Variants in ZNF469 observed in about 807,000 individuals in gnomAD.
ZNF469 encodes zinc finger protein 469.
In ZNF469, 1 loss-of-function variant was observed where a neutral mutation model predicts 1.0. That is an observed-to-expected ratio of 1.00 (90% CI 0.35 to 4.73). The LOEUF (loss-of-function observed/expected upper bound fraction) is 4.73, where lower values mean the gene tolerates loss of function less well. ZNF469 is among the 30% of genes most tolerant of loss of function. ZNF469 has a pLI of 0.16. For missense variants in ZNF469, 6,100 were observed against 5,356.3 expected (o/e 1.14, Z -4.33); for synonymous variants, 2,703 against 2,363.4 (o/e 1.14, Z -4.17).
the ZNF469 span, among the ~76,000 whole-genome samples, chr16:88,369,393 C>G: frequency 1.7e-4 from 26 of 152,338 alleles, no homozygotes; most frequent in South Asian, 5.0e-3. Context: ...TTGCCTGACT[C>G]ACAGGATGGA....
chr16:88,310,563 ATTT>A, the ZNF469 span, among the ~76,000 whole-genome samples: 17 of 143,588 alleles, frequency 1.2e-4, no homozygotes, highest in African/African-American at 3.6e-4. Flanking sequence ...CCTTCATTTT[ATTT>A]TTTTTTTTTT....
chr16:88,241,864 A>G, the ZNF469 span, among the ~76,000 whole-genome samples: 1 of 152,008 alleles, frequency 6.6e-6, no homozygotes, highest in Non-Finnish European at 1.5e-5. The surrounding 1 kb of genome is among the most constrained non-coding windows in gnomAD (Gnocchi z 4.8). Flanking sequence ...CCCCGTGGAG[A>G]CTCAGCCTGG....
At chr16:88,346,519 TA>T in the ZNF469 span, among the ~76,000 whole-genome samples, 54 of 152,344 alleles carry the variant, frequency 3.5e-4, no homozygotes, top group Non-Finnish European at 5.9e-4. Flanking sequence ...TATTTACTTT[TA>T]TTTTTTTTAT....
the ZNF469 span, among the ~76,000 whole-genome samples, chr16:88,366,232 G>A: frequency 4.4e-5 from 6 of 136,404 alleles, no homozygotes; most frequent in East Asian, 2.3e-4. Flanking sequence ...CATCATAATC[G>A]TCACCACAAC....
chr16:88,234,478 C>G, the ZNF469 span, among the ~76,000 whole-genome samples: 2 of 152,206 alleles, frequency 1.3e-5, no homozygotes, highest in East Asian at 3.9e-4. Context: ...AGAGCCGGAG[C>G]TGGGCTAAGC....
At chr16:88,149,646 C>T in the ZNF469 span, among the ~76,000 whole-genome samples, 1 of 152,174 alleles carries the variant, frequency 6.6e-6, no homozygotes, top group Non-Finnish European at 1.5e-5. Flanking sequence ...GAACCCCCCG[C>T]ACCCCCAGCA....
chr16:88,199,322 A>C, the ZNF469 span, among the ~76,000 whole-genome samples: 1 of 152,364 alleles, frequency 6.6e-6, no homozygotes, highest in African/African-American at 2.4e-5. Flanking sequence ...GGTGACTTTC[A>C]GTACCAAAAG....
chr16:88,271,949 A>G, the ZNF469 span, among the ~76,000 whole-genome samples: 4 of 151,792 alleles, frequency 2.6e-5, no homozygotes, highest in African/African-American at 9.7e-5. Context: ...GGATGGATGA[A>G]TTGTGGATAA....
chr16:88,428,097 G>C lies in ZNF469; in HGVS notation c.627G>C (p.Gly209=), dbSNP rs113227277. The C allele has an allele frequency of 1.0e-5, 16 of 1,549,590 alleles. No homozygotes were observed. The South Asian group carries it at 1.4e-4, about 14-fold the overall frequency. The change falls in exon 3 of 3, where the codon GGG becomes GGC. Residue 209 remains glycine, a synonymous_variant. Coordinates refer to ENST00000565624, the MANE Select transcript of ZNF469 (RefSeq NM_001367624.2). The stretch of plus-strand genomic sequence containing the variant: ...CCACCCCCAGGCCCCCAGCCCCGGG[G>C]CCCCCCCAGAGCAGGGGCACCAGCC... ...PSATPRPPAP[G]PPQSRGTSPL...
the ZNF469 span, among the ~76,000 whole-genome samples, chr16:88,336,581 C>A: frequency 1.3e-5 from 2 of 152,070 alleles, no homozygotes; most frequent in African/African-American, 2.4e-5. Flanking sequence ...TCATGTGAGA[C>A]ACTGACATGC....
the ZNF469 span, among the ~76,000 whole-genome samples, chr16:88,269,501 T>C: frequency 1.3e-5 from 2 of 152,166 alleles, no homozygotes; most frequent in Admixed American, 6.5e-5. Flanking sequence ...TCTTTATTTT[T>C]ATCTTTTCTC....
the ZNF469 span, among the ~76,000 whole-genome samples, chr16:88,345,671 T>TC: frequency 1.3e-5 from 2 of 152,108 alleles, no homozygotes; most frequent in Admixed American, 6.5e-5. Context: ...AGCCTCTGGC[T>TC]CACCATGCAG....
the ZNF469 span, among the ~76,000 whole-genome samples, chr16:88,197,306 A>G: frequency 6.6e-6 from 1 of 152,324 alleles, no homozygotes; most frequent in South Asian, 2.1e-4. Flanking sequence ...CTCTTTGTAC[A>G]GACACAGAGG....
the ZNF469 span, among the ~76,000 whole-genome samples, chr16:88,211,835 G>C: frequency 6.6e-6 from 1 of 152,132 alleles, no homozygotes; most frequent in Non-Finnish European, 1.5e-5. Context: ...GTGCCAGCTG[G>C]GCCCTGCCCT....
chr16:88,367,703 C>A, the ZNF469 span, among the ~76,000 whole-genome samples: 2 of 152,356 alleles, frequency 1.3e-5, no homozygotes, highest in East Asian at 3.9e-4. Flanking sequence ...GGCCCCGCAT[C>A]CTTGGGCACC....
chr16:88,335,836 T>A, the ZNF469 span, among the ~76,000 whole-genome samples: 1,913 of 151,860 alleles, frequency 0.013, 30 homozygotes, highest in African/African-American at 0.044. Context: ...ACCACACATG[T>A]TCATCCTTCA....
chr16:88,430,925 C>T lies in ZNF469; in HGVS notation c.3455C>T (p.Pro1152Leu). Residue 1152 changes from proline (P) to leucine (L), a missense_variant, in exon 3 of 3, where the codon CCC becomes CTC. Transcript: ENST00000565624. The part of the protein sequence containing the change: ...ARQEAGGDGA[P>L]ANPEEPGGSR... The stretch of plus-strand genomic sequence containing the variant: ...CAGGAAGCCGGCGGGGACGGAGCCC[C>T]CGCGAACCCCGAGGAGCCGGGCGGG... The T allele has an allele frequency of 6.5e-7, 1 of 1,536,406 alleles. No individual in the cohort carries two copies. Among genetic ancestry groups the T allele is most frequent in the African/African-American group, 1.4e-5 (1 of 72,916 alleles).
the ZNF469 span, among the ~76,000 whole-genome samples, chr16:88,279,206 C>T: frequency 7.4e-6 from 1 of 135,812 alleles, no homozygotes; most frequent in Non-Finnish European, 1.7e-5. Flanking sequence ...CGCTGACACT[C>T]GGTCAGTACC....
In ZNF469 at chr16:88,436,889, C is replaced by T. The variant is rs892510413; in HGVS notation, c.9419C>T (p.Ala3140Val). 1.6e-5 allele frequency: 24 copies of T among 1,504,338 alleles called. No individual in the cohort carries two copies. Among genetic ancestry groups the T allele is most frequent in the Admixed American group, 1.3e-4 (6 of 46,106 alleles). The allele number at this position is 1,504,338 out of a possible 1,614,324, so 93.2% of individuals were successfully genotyped here. A position where few individuals can be genotyped will look rare whatever the true frequency, so the allele number is the denominator to read the frequency against. ...LDLHKLAHTPAPPPTCYMCVE... is the reference protein window; with the variant it reads ...LDLHKLAHTPVPPPTCYMCVE... ...CTGCACAAGCTGGCCCACACGCCCG[C>T]GCCGCCGCCCACCTGCTACATGTGC... Residue 3140 changes from alanine (A) to valine (V), a missense_variant, in exon 3 of 3, where the codon GCG (alanine) becomes GTG (valine). Coordinates refer to ENST00000565624, the MANE Select transcript of ZNF469 (RefSeq NM_001367624.2).
Sources: gnomAD v4.1 joint callset for allele counts (sites outside exome capture counted in the v4.1 genomes callset) on GRCh38, gnomAD v4.1.1 for gene constraint, Gnocchi (gnomAD v3.1) non-coding constraint, MANE v1.5 for transcripts, NCBI Gene and HGNC (gene_info 2026-07-23, HGNC 2026-07-21) for gene names.